ITGA4: variants seen among roughly 807,000 people sequenced by gnomAD.
The protein encoded by ITGA4 is integrin subunit alpha 4, also known as integrin alpha-4.
ITGA4 carries 63 observed loss-of-function variants against 133.6 expected under a neutral mutation model. The observed-to-expected ratio is 0.47, with a 90% CI of 0.38 to 0.58. ITGA4 has a LOEUF of 0.58. Ranked by LOEUF, ITGA4 falls within the 20% of genes least tolerant of loss-of-function variation. The pLI, the probability that ITGA4 is intolerant of heterozygous loss-of-function variation, is 0.00. For missense variants in ITGA4, 1,076 were observed against 1,252.7 expected, an observed-to-expected ratio of 0.86 and a Z score of 2.13; for synonymous variants, 483 against 438.0, an observed-to-expected ratio of 1.10 and a Z score of -1.28.
intron 10 of ITGA4, among the ~76,000 whole-genome samples, chr2:181,487,428 C>T (rs554842276): frequency 6.6e-4 from 100 of 152,192 alleles, no homozygotes; most frequent in Non-Finnish European, 1.2e-3. Flanking sequence ...CCACTGCTGC[C>T]GTCACTCGTC....
intron 6 of ITGA4, among the ~76,000 whole-genome samples, chr2:181,481,067 A>G (rs1437222837): frequency 6.6e-6 from 1 of 152,184 alleles, no homozygotes; most frequent in Non-Finnish European, 1.5e-5. Flanking sequence ...AGAAATTTCA[A>G]GTAGAAGAAT....
At chr2:181,485,825 G>T in intron 9 of ITGA4, 56 bp from the exon 10 acceptor site, 4 of 1,397,468 alleles carry the variant, frequency 2.9e-6, no homozygotes, top group Non-Finnish European at 4.0e-6. Flanking sequence ...ACAGTAAATC[G>T]TGTAAAGTTG....
chr2:181,503,553 G>A lies in ITGA4; in HGVS notation c.1695+4776G>A, dbSNP rs1312982768. On this transcript the variant is annotated intron_variant, in intron 15 of 27. Coordinates refer to ENST00000397033, the MANE Select transcript of ITGA4 (RefSeq NM_000885.6). ...TTGTTCCTCATAAAATAAGAAAGAA[G>A]GAAGAAATTGTCTTTTTTTTTTTTT... Among the ~76,000 whole-genome samples, 3 of 131,972 alleles carry A rather than the reference G, an allele frequency of 2.3e-5. No individual in the cohort carries two copies. The East Asian group carries it at 7.0e-4, about 31-fold the overall frequency. 86.6% of individuals were successfully genotyped at this position (131,972 alleles called of 152,430 possible).
intron 17 of ITGA4, among the ~76,000 whole-genome samples, chr2:181,519,715 G>A (rs1686680492): frequency 6.6e-6 from 1 of 152,048 alleles, no homozygotes; most frequent in African/African-American, 2.4e-5. Flanking sequence ...TCTGGATGGG[G>A]GTACAGATCG....
Position 181,479,150 on chromosome 2 carries a change from A to G in ITGA4, c.624+326A>G, listed in dbSNP as rs186446119. On this transcript the variant is annotated intron_variant, in intron 5 of 27. Transcript: ENST00000397033. The stretch of plus-strand genomic sequence containing the variant: ...AGGTATTGAAAATATCAACCCAAGT[A>G]TGTTATTTTAAATTTCTAGTTGAGG... The G allele has an allele frequency of 9.6e-4, 168 of 175,594 alleles. 1 individual carries two copies. Among genetic ancestry groups the G allele is most frequent in the African/African-American group, 3.7e-3 (156 of 42,670 alleles). 10.9% of individuals were successfully genotyped at this position (175,594 alleles called of 1,614,324 possible). A position where few individuals can be genotyped will look rare whatever the true frequency, so the allele number is the denominator to read the frequency against.
chr2:181,487,350 G>T (rs963430090), intron 10 of ITGA4, among the ~76,000 whole-genome samples: 1 of 152,034 alleles, frequency 6.6e-6, no homozygotes, highest in Non-Finnish European at 1.5e-5. Context: ...GCTGTAAGAG[G>T]GATCATGTCA....
chr2:181,481,735 C>G (rs921925379), intron 7 of ITGA4, 52 bp downstream of exon 7: 1 of 827,290 alleles, frequency 1.2e-6, no homozygotes, highest in African/African-American at 1.7e-5. Flanking sequence ...AAATATATTG[C>G]ATGAATAAGA....
At position 181,504,712 on chromosome 2, in the gene ITGA4, A is replaced by G. The variant is rs555693366; in HGVS notation, c.1696-4946A>G. On this transcript the variant is annotated intron_variant, in intron 15 of 27. Coordinates refer to ENST00000397033, the MANE Select transcript of ITGA4 (RefSeq NM_000885.6). ...TATTTATATTCTTAGAGCTAGCACAATCCATTACATAAGGCAGAAACAATA... is the reference window on the plus strand; with the variant it reads ...TATTTATATTCTTAGAGCTAGCACAGTCCATTACATAAGGCAGAAACAATA... Among the ~76,000 whole-genome samples the G allele has an allele frequency of 3.3e-5, 5 of 152,224 alleles. No individual in the cohort carries two copies. The South Asian group carries it at 6.2e-4, about 19-fold the overall frequency.
At chr2:181,512,161 C>A (rs1472077473) in intron 17 of ITGA4, among the ~76,000 whole-genome samples, 4 of 151,946 alleles carry the variant, frequency 2.6e-5, no homozygotes, top group Non-Finnish European at 5.9e-5. Context: ...ATATCTGGAT[C>A]CCCTATATTC....
chr2:181,490,525 G>C (rs1374231039), intron 10 of ITGA4, among the ~76,000 whole-genome samples: 1 of 116,424 alleles, frequency 8.6e-6, no homozygotes, highest in African/African-American at 2.9e-5. Context: ...GTGTGTGTGT[G>C]TCTGTGTGTG....
At chr2:181,474,053 T>C (rs1344408710) in intron 2 of ITGA4, among the ~76,000 whole-genome samples, 1 of 152,174 alleles carries the variant, frequency 6.6e-6, no homozygotes. Flanking sequence ...TGCAATAGAA[T>C]TGTCATATGC....
intron 4 of ITGA4, chr2:181,475,726 A>T: frequency 6.8e-7 from 1 of 1,464,872 alleles, no homozygotes; most frequent in Non-Finnish European, 9.2e-7. Flanking sequence ...CGCACTCACT[A>T]TCTCTTTTTC....
Position 181,474,446 on chromosome 2 carries a change from G to C in ITGA4, c.320-514G>C, listed in dbSNP as rs371072561. Among the ~76,000 whole-genome samples the C allele has an allele frequency of 1.2e-4, 19 of 152,278 alleles. No individual in the cohort carries two copies. The East Asian group carries it at 3.1e-3, about 25-fold the overall frequency. On this transcript the variant is annotated intron_variant, in intron 2 of 27. Coordinates refer to ENST00000397033, the MANE Select transcript of ITGA4 (RefSeq NM_000885.6). ...TTCTTATAAACGCAAGGCATTATTG[G>C]TATGCTAATTGTATGTTCCACTTTC...
intron 21 of ITGA4, among the ~76,000 whole-genome samples, chr2:181,526,980 C>A (rs549674271): frequency 6.6e-6 from 1 of 151,336 alleles, no homozygotes; most frequent in East Asian, 1.9e-4. Context: ...TACAGGCACA[C>A]GCCACCACGC....
At chr2:181,507,556 C>G (rs11686132) in intron 15 of ITGA4, among the ~76,000 whole-genome samples, 2 of 151,724 alleles carry the variant, frequency 1.3e-5, no homozygotes, top group Non-Finnish European at 2.9e-5. Flanking sequence ...TGCAGTAACC[C>G]TGGGGGATTG....
intron 17 of ITGA4, among the ~76,000 whole-genome samples, chr2:181,514,240 A>G (rs1686561665): frequency 6.6e-6 from 1 of 152,104 alleles, no homozygotes; most frequent in African/African-American, 2.4e-5. Flanking sequence ...ATGTTTGGGA[A>G]CTGAAAGGAA....
chr2:181,536,913 A>T lies in ITGA4; in HGVS notation c.*1386A>T, dbSNP rs377401732. The T allele has an allele frequency of 2.2e-6, 1 of 453,516 alleles. No homozygotes were observed. The highest frequency in any genetic ancestry group is 7.0e-5 in the East Asian group (1 of 14,388). 28.1% of individuals were successfully genotyped at this position (453,516 alleles called of 1,614,324 possible). On this transcript the variant is annotated 3_prime_UTR_variant, in exon 28 of 28. Transcript: ENST00000397033. ...GATCAAATTAGAAGGCAATGTGGAA[A>T]AACAATTCTGGGAAAGATTTCTTTA... is the stretch of plus-strand genomic sequence containing the variant.
At chr2:181,522,685 A>G (rs1270793392) in intron 18 of ITGA4, among the ~76,000 whole-genome samples, 1 of 152,122 alleles carries the variant, frequency 6.6e-6, no homozygotes, top group African/African-American at 2.4e-5. Context: ...TGGACTCCAG[A>G]GTTATAGTTC....
rs1686135193 is a variant in ITGA4 at position 181,495,299 on chromosome 2, G to A, written c.1340-72G>A. The A allele has an allele frequency of 9.0e-7, 1 of 1,113,390 alleles. No homozygotes were observed. The highest frequency in any genetic ancestry group is 1.5e-5 in the African/African-American group (1 of 65,040). 69.0% of individuals were successfully genotyped at this position (1,113,390 alleles called of 1,614,324 possible). Reference sequence around the variant, plus strand: ...GTAGTCAAAGGTGATACGTAGTTAAGTATTTATGGCTGAAAAATAATTCTC... The same window carrying A: ...GTAGTCAAAGGTGATACGTAGTTAAATATTTATGGCTGAAAAATAATTCTC... On this transcript the variant is annotated intron_variant, in intron 12 of 27. Transcript: ENST00000397033. The surrounding 1 kb of genome is among the most constrained non-coding windows in gnomAD (Gnocchi z 4.3).
Sources: allele counts gnomAD v4.1 joint callset (sites outside exome capture counted in the v4.1 genomes callset), GRCh38; gene constraint gnomAD v4.1.1; non-coding constraint Gnocchi (gnomAD v3.1); transcripts MANE v1.5; gene names NCBI Gene and HGNC (gene_info 2026-07-23, HGNC 2026-07-21).